CYBA: variants seen among roughly 807,000 people sequenced by gnomAD.
The protein encoded by CYBA is cytochrome b-245 alpha chain.
A neutral mutation model predicts 20.8 loss-of-function variants in CYBA; 21 were observed. That is an observed-to-expected ratio of 1.01 (90% confidence interval 0.72 to 1.46). The LOEUF is 1.46. Ranked by LOEUF, CYBA falls within the 40% of genes most tolerant of loss-of-function variation. CYBA has a pLI of 0.00. For synonymous variants in CYBA, 164 were observed against 127.5 expected (o/e 1.29, Z -1.93); for missense variants, 344 against 287.0 (o/e 1.20, Z -1.43).
At chr16:88,645,832 C>T (rs530510464) in intron 5 of CYBA, 97 of 558,354 alleles carry the variant, frequency 1.7e-4, no homozygotes, top group African/African-American at 1.5e-3. Flanking sequence ...CCTGAGCCTC[C>T]GCATCTTTGT....
At chr16:88,646,971 T>G in intron 3 of CYBA, 130 bp downstream of exon 3, 2 of 1,189,708 alleles carry the variant, frequency 1.7e-6, no homozygotes, top group Non-Finnish European at 2.4e-6. Context: ...GCACCGGCCT[T>G]GGTTTACCCA....
rs914398296 is a variant in CYBA at position 88,643,986 on chromosome 16, C to T, written c.370-415G>A. Among the ~76,000 whole-genome samples, 3 of 152,080 alleles carry T rather than the reference C, an allele frequency of 2.0e-5. No homozygotes were observed. The highest frequency in any genetic ancestry group is 1.3e-4 in the Admixed American group (2 of 15,282). On this transcript the variant is annotated intron_variant, in intron 5 of 5. Coordinates refer to ENST00000261623, the MANE Select transcript of CYBA (RefSeq NM_000101.4). This position sits in a 1 kb window ranked among gnomAD's most constrained non-coding sequence, Gnocchi z 4.3. ...CCGTCTGGTGGGCGCCATTCACCCA[C>T]GCTGGCCGGCAGCCCCCCAAGGGTG... is the stretch of plus-strand genomic sequence containing the variant.
chr16:88,647,238 A>C lies in CYBA; in HGVS notation c.129-63T>G, dbSNP rs1183524257. 1.2e-4 allele frequency: 184 copies of C among 1,498,322 alleles called. 1 individual carries two copies. The highest frequency in any genetic ancestry group is 3.9e-5 in the Non-Finnish European group (42 of 1,089,236). The allele number at this position is 1,498,322 out of a possible 1,614,324, so 92.8% of individuals were successfully genotyped here. A position where few individuals can be genotyped will look rare whatever the true frequency, so the allele number is the denominator to read the frequency against. On this transcript the variant is annotated intron_variant, in intron 2 of 5. Coordinates refer to ENST00000261623, the MANE Select transcript of CYBA (RefSeq NM_000101.4). ...TGAGGGGCCACAGGGAACTCCCTTT[A>C]CTGAAGACAACACAGAGAGGGGCCC...
At chr16:88,650,796 G>C in intron 1 of CYBA, 160 bp downstream of exon 1, 8 of 737,536 alleles carry the variant, frequency 1.1e-5, no homozygotes, top group Non-Finnish European at 1.8e-5. Flanking sequence ...GCGGCCTGAG[G>C]GTCCCGCCCC....
chr16:88,647,084 A>G lies in CYBA; in HGVS notation c.203+17T>C, dbSNP rs201906295. ...CCCGCAGCCCCCGGAGAGACCCCAG[A>G]GCAGGAGGAGACTCACCAGCGCTCC... is the stretch of plus-strand genomic sequence containing the variant. On this transcript the variant is annotated intron_variant, in intron 3 of 5. Transcript: ENST00000261623. 6.2e-7 allele frequency: 1 copy of G among 1,606,620 alleles called. No individual in the cohort carries two copies. Among genetic ancestry groups the G allele is most frequent in the Non-Finnish European group, 8.5e-7 (1 of 1,177,056 alleles).
At chr16:88,645,828 C>G in intron 5 of CYBA, 1 of 558,582 alleles carries the variant, frequency 1.8e-6, no homozygotes, top group Non-Finnish European at 3.2e-6. Context: ...CCTCCCTGAG[C>G]CTCCGCATCT....
intron 5 of CYBA, among the ~76,000 whole-genome samples, chr16:88,644,094 C>G (rs1198159279): frequency 6.6e-6 from 1 of 152,222 alleles, no homozygotes; most frequent in African/African-American, 2.4e-5. Context: ...AAAATACAGA[C>G]TCCTGGGCCC....
chr16:88,649,204 TA>T (rs1234983054), intron 1 of CYBA, among the ~76,000 whole-genome samples: 4 of 152,314 alleles, frequency 2.6e-5, no homozygotes, highest in East Asian at 1.9e-4. Flanking sequence ...CCCAAAGTGC[TA>T]GGATTACAGG....
intron 1 of CYBA, among the ~76,000 whole-genome samples, chr16:88,649,734 G>A (rs545094562): frequency 2.0e-5 from 3 of 152,340 alleles, no homozygotes; most frequent in East Asian, 3.9e-4. Flanking sequence ...GGAGGGGGCC[G>A]GAGAGCCGGG....
chr16:88,645,043 G>A (rs1907225583), intron 5 of CYBA: 1 of 638,378 alleles, frequency 1.6e-6, no homozygotes, highest in South Asian at 1.8e-5. Context: ...ATGGCTGGTG[G>A]TGGGTTGTCT....
chr16:88,650,877 TAAG>T (rs1567610914), intron 1 of CYBA, 76 bp downstream of exon 1: 1 of 1,448,564 alleles, frequency 6.9e-7, no homozygotes, highest in Admixed American at 2.0e-5. Context: ...CCCCACCCTG[TAAG>T]TAGCCCGAGG....
chr16:88,650,273 C>T (rs1462406186), intron 1 of CYBA: 1 of 424,190 alleles, frequency 2.4e-6, no homozygotes, highest in Non-Finnish European at 4.8e-6. Context: ...CCAGACACTC[C>T]CTGGCCCTGG....
Position 88,643,309 on chromosome 16 carries a change from T to G in CYBA, c.*44A>C. 7.2e-7 allele frequency: 1 copy of G among 1,379,396 alleles called. No individual in the cohort carries two copies. The highest frequency in any genetic ancestry group is 9.7e-7 in the Non-Finnish European group (1 of 1,032,384). 85.4% of individuals were successfully genotyped at this position (1,379,396 alleles called of 1,614,324 possible). A position where few individuals can be genotyped will look rare whatever the true frequency, so the allele number is the denominator to read the frequency against. On this transcript the variant is annotated 3_prime_UTR_variant, in exon 6 of 6. Coordinates refer to ENST00000261623, the MANE Select transcript of CYBA (RefSeq NM_000101.4). This position sits in a 1 kb window ranked among gnomAD's most constrained non-coding sequence, Gnocchi z 4.3. ...CGCGCTCCCGGCTTCGCTGCATTTA[T>G]TGCAGGTGGGTGCACCTGGCGGGAG...
At position 88,648,121 on chromosome 16, in the gene CYBA, G is replaced by A. The variant is rs2142877445; in HGVS notation, c.59-7C>T. On this transcript the variant is annotated splice_polypyrimidine_tract_variant and splice_region_variant and intron_variant, in intron 1 of 5. Transcript: ENST00000261623. ...ATGCCCCCGGTGATGAGGACTGCGGGGAGAAGTGGGTCAGGCACTGTGGGG... is the reference window on the plus strand; with the variant it reads ...ATGCCCCCGGTGATGAGGACTGCGGAGAGAAGTGGGTCAGGCACTGTGGGG... 6.2e-7 allele frequency: 1 copy of A among 1,609,462 alleles called. No homozygotes were observed. The highest frequency in any genetic ancestry group is 2.2e-5 in the East Asian group (1 of 44,702).
chr16:88,646,044 C>G (rs369344360), intron 5 of CYBA, 72 bp downstream of exon 5: 3 of 1,292,944 alleles, frequency 2.3e-6, no homozygotes, highest in South Asian at 1.3e-5. Flanking sequence ...AAGGGCCATG[C>G]GTGTCCGAGG....
intron 1 of CYBA, chr16:88,650,737 G>A: frequency 4.9e-6 from 3 of 615,396 alleles, no homozygotes; most frequent in South Asian, 3.7e-5. Context: ...GCGCTCCGCA[G>A]GGTCTGCAAG....
chr16:88,647,892 T>C (rs1907346260), intron 2 of CYBA, 153 bp downstream of exon 2: 2 of 730,344 alleles, frequency 2.7e-6, no homozygotes, highest in Non-Finnish European at 4.7e-6. Flanking sequence ...GCCTGGCTGC[T>C]GGGGCCTGGG....
intron 5 of CYBA, among the ~76,000 whole-genome samples, chr16:88,644,544 G>A (rs1249156944): frequency 6.6e-6 from 1 of 152,236 alleles, no homozygotes; most frequent in Non-Finnish European, 1.5e-5. Flanking sequence ...AGACAATCAG[G>A]CCGGGCGCGG....
At chr16:88,650,863 A>G in intron 1 of CYBA, 93 bp downstream of exon 1, 1 of 1,355,174 alleles carries the variant, frequency 7.4e-7, no homozygotes, top group Non-Finnish European at 1.0e-6. Flanking sequence ...CTGGCGCCCC[A>G]CTTCCCCACC....
Sources: allele counts gnomAD v4.1 joint callset (sites outside exome capture counted in the v4.1 genomes callset), GRCh38; gene constraint gnomAD v4.1.1; non-coding constraint Gnocchi (gnomAD v3.1); transcripts MANE v1.5; gene names NCBI Gene and HGNC (gene_info 2026-07-23, HGNC 2026-07-21).